Variants in COL21A1 observed in about 807,000 individuals in gnomAD.
COL21A1 encodes the protein collagen alpha-1(XXI) chain.
A neutral mutation model predicts 137.9 loss-of-function variants in COL21A1; 149 were observed. The observed-to-expected ratio is 1.08, with a 90% CI of 0.95 to 1.24. The LOEUF is 1.24. Ranked by LOEUF, COL21A1 falls within the 50% of genes most tolerant of loss-of-function variation. COL21A1 has a pLI of 0.00. For missense variants in COL21A1, 1,167 were observed against 1,158.4 expected, an observed-to-expected ratio of 1.01 and a Z score of -0.11; for synonymous variants, 456 against 391.5, an observed-to-expected ratio of 1.16 and a Z score of -1.95.
intron 21 of COL21A1, among the ~76,000 whole-genome samples, chr6:56,070,407 G>A (rs1379238098): frequency 6.6e-6 from 1 of 151,354 alleles, no homozygotes; most frequent in Non-Finnish European, 1.5e-5. Context: ...AGCAAACAAA[G>A]AACAGTATCA....
chr6:56,100,314 T>C (rs1770340089), intron 17 of COL21A1, among the ~76,000 whole-genome samples: 1 of 152,180 alleles, frequency 6.6e-6, no homozygotes, highest in Non-Finnish European at 1.5e-5. Flanking sequence ...AGCACCTCAA[T>C]AACAGGATTA....
At chr6:56,156,766 C>T in intron 10 of COL21A1, 121 bp downstream of exon 10, 1 of 801,000 alleles carries the variant, frequency 1.2e-6, no homozygotes, top group Non-Finnish European at 2.1e-6. Context: ...TCAGTCTCTC[C>T]TTCCTATGGC....
intron 2 of COL21A1, among the ~76,000 whole-genome samples, chr6:56,181,056 G>C (rs1031940962): frequency 6.6e-6 from 1 of 152,152 alleles, no homozygotes; most frequent in African/African-American, 2.4e-5. Flanking sequence ...CCACAGTTAG[G>C]TTGCCATCCC....
At chr6:56,309,594 G>C (rs568979050) in intron 1 of COL21A1, among the ~76,000 whole-genome samples, 5 of 152,220 alleles carry the variant, frequency 3.3e-5, no homozygotes, top group South Asian at 2.1e-4. Flanking sequence ...GTACTCCCAG[G>C]GGGGCAGTGA....
chr6:56,149,029 T>C (rs561485549), intron 10 of COL21A1, among the ~76,000 whole-genome samples: 1 of 152,352 alleles, frequency 6.6e-6, no homozygotes, highest in African/African-American at 2.4e-5. Flanking sequence ...TGCATCAGCC[T>C]TTTAGGCAGC....
At chr6:56,078,534 C>G (rs970351727) in intron 17 of COL21A1, among the ~76,000 whole-genome samples, 1 of 151,758 alleles carries the variant, frequency 6.6e-6, no homozygotes, top group Non-Finnish European at 1.5e-5. Context: ...CAGTAAATCA[C>G]AGCAGGTGCT....
At chr6:56,080,648 G>A (rs2114149214) in intron 17 of COL21A1, among the ~76,000 whole-genome samples, 1 of 151,822 alleles carries the variant, frequency 6.6e-6, no homozygotes, top group East Asian at 1.9e-4. Context: ...TTTAAGTAAT[G>A]CAATATTTTC....
rs1330127876 is a variant in COL21A1, at chr6:56,075,511, G to A, written c.1879C>T (p.Gln627Ter). 2 of 1,527,930 alleles carry A rather than the reference G, an allele frequency of 1.3e-6. No individual in the cohort carries two copies. Among genetic ancestry groups the A allele is most frequent in the Admixed American group, 2.2e-5 (1 of 45,478 alleles). The allele number at this position is 1,527,930 out of a possible 1,614,324, so 94.6% of individuals were successfully genotyped here. The change falls in exon 19 of 30, where the codon CAG becomes TAG. Residue 627 changes from glutamine (Q) to a stop codon, truncating the protein, a stop_gained. Coordinates refer to ENST00000244728, the MANE Select transcript of COL21A1 (RefSeq NM_030820.4). LOFTEE classifies it high-confidence loss of function. Reference protein sequence around the residue: ...GQKGEIGPPGQQGKKGAPGMP... With the variant: ...GQKGEIGPPG The stretch of plus-strand genomic sequence containing the variant: ...CCTGGGGCTCCTTTTTTTCCTTGCT[G>A]TCCTGGAGGCCCAATTTCTCCCTAA...
At chr6:56,192,909 A>G (rs1311847193) in intron 1 of COL21A1, among the ~76,000 whole-genome samples, 1 of 152,232 alleles carries the variant, frequency 6.6e-6, no homozygotes, top group Non-Finnish European at 1.5e-5. Flanking sequence ...AAGACTTGCA[A>G]CCAACCCAAA....
At chr6:56,276,953 G>C (rs925798799) in intron 1 of COL21A1, among the ~76,000 whole-genome samples, 4 of 150,976 alleles carry the variant, frequency 2.6e-5, no homozygotes, top group Admixed American at 2.6e-4. Context: ...GACTACAGGC[G>C]CATGCCGCCA....
At chr6:56,345,936 G>A (rs777814130) in intron 1 of COL21A1, among the ~76,000 whole-genome samples, 4 of 152,056 alleles carry the variant, frequency 2.6e-5, no homozygotes, top group Non-Finnish European at 5.9e-5. Flanking sequence ...TAAGCATCAC[G>A]TATATTTCTA....
intron 23 of COL21A1, among the ~76,000 whole-genome samples, chr6:56,065,554 T>C (rs764588328): frequency 2.0e-5 from 3 of 151,974 alleles, no homozygotes; most frequent in Non-Finnish European, 2.9e-5. Flanking sequence ...GGAAGGGGCA[T>C]CTGACAGAAA....
chr6:56,141,682 T>C (rs913621351), intron 12 of COL21A1, 103 bp downstream of exon 12: 1 of 1,268,334 alleles, frequency 7.9e-7, no homozygotes, highest in East Asian at 2.3e-5. Context: ...CCACAAATCT[T>C]AGAATTCACC....
chr6:56,098,569 ATATATAAATATATATAAATATATAAAT>A (rs1222930415), intron 17 of COL21A1, among the ~76,000 whole-genome samples: 2 of 33,050 alleles, frequency 6.1e-5, no homozygotes, highest in African/African-American at 2.6e-4. Context: ...ATATATAAAT[ATATATAAATATATATAAATATATAAAT>A]ATATATATAA....
chr6:56,079,195 C>T (rs1033616317), intron 17 of COL21A1, among the ~76,000 whole-genome samples: 16 of 151,588 alleles, frequency 1.1e-4, no homozygotes, highest in African/African-American at 1.9e-4. Context: ...AACTAAAATA[C>T]GTGTGTAAAT....
chr6:56,060,347 T>G, intron 27 of COL21A1, 129 bp from the exon 28 acceptor site: 6 of 741,342 alleles, frequency 8.1e-6, no homozygotes, highest in South Asian at 1.8e-5. Context: ...TCTTGGCCAA[T>G]AATTTCACTT....
chr6:56,060,169 A>T lies in COL21A1; in HGVS notation c.2457T>A (p.His819Gln). 1 of 1,609,682 alleles carries T rather than the reference A, an allele frequency of 6.2e-7. No individual in the cohort carries two copies. Among genetic ancestry groups the T allele is most frequent in the Admixed American group, 1.7e-5 (1 of 58,780 alleles). The stretch of plus-strand genomic sequence containing the variant: ...CCGGGGAGCCATGTTGGGACAGGCA[A>T]TGATCACAATTTCTAATTCTTCCAC... ...LQSGRIRNCD[H>Q]CLSQHGSPGI... Residue 819 changes from histidine (H) to glutamine (Q), a missense_variant, in exon 28 of 30, where the codon CAT (histidine) becomes CAA (glutamine). By Grantham distance (24) the His-to-Gln change is conservative. Coordinates refer to ENST00000244728, the MANE Select transcript of COL21A1 (RefSeq NM_030820.4).
intron 1 of COL21A1, among the ~76,000 whole-genome samples, chr6:56,329,102 G>T (rs1337800501): frequency 6.6e-6 from 1 of 152,090 alleles, no homozygotes; most frequent in Non-Finnish European, 1.5e-5. Context: ...AATGAAAAAA[G>T]CAGTATCTAT....
At position 56,303,609 on chromosome 6, in the gene COL21A1, T is replaced by A. The variant is rs564134325; in HGVS notation, c.-39+90362A>T. On this transcript the variant is annotated intron_variant, in intron 1 of 28. Transcript: ENST00000370819. ...ATCCTGAGACTTTGCTGAAGTTGCC[T>A]ATCAGCTTAAGGAGATTTGGGGCTG... Among the ~76,000 whole-genome samples, 329 of 152,338 alleles carry A rather than the reference T, an allele frequency of 2.2e-3. No homozygotes were observed. In the South Asian group the frequency reaches 0.022, roughly 10 times the overall value.
Sources: allele counts gnomAD v4.1 joint callset (sites outside exome capture counted in the v4.1 genomes callset), GRCh38; gene constraint gnomAD v4.1.1; transcripts MANE v1.5; gene names NCBI Gene and HGNC (gene_info 2026-07-23, HGNC 2026-07-21).